Variants in RIGI observed in about 807,000 individuals in gnomAD.
The protein encoded by RIGI is antiviral innate immune response receptor RIG-I.
At chr9:32,487,424 G>A in the RIGI span, 1 of 1,583,666 alleles carries the variant, frequency 6.3e-7, no homozygotes, top group Admixed American at 1.7e-5. Context: ...ACTAGAGGTA[G>A]TAGAGAGTAA....
At chr9:32,493,782 CTGAT>C in the RIGI span, 1 of 1,579,494 alleles carries the variant, frequency 6.3e-7, no homozygotes, top group Non-Finnish European at 8.6e-7. Context: ...CTTCACATTC[CTGAT>C]TAATTAAACA....
the RIGI span, chr9:32,457,491 A>G: frequency 7.9e-7 from 1 of 1,258,058 alleles, no homozygotes; most frequent in Non-Finnish European, 1.1e-6. Flanking sequence ...TTTAAAAAAA[A>G]AAAAAAGAAA....
the RIGI span, chr9:32,457,422 C>T: frequency 3.1e-6 from 5 of 1,608,202 alleles, no homozygotes; most frequent in Non-Finnish European, 4.2e-6. Context: ...GGCATTCCTA[C>T]AGATGAAGGG....
At chr9:32,504,998 T>A in the RIGI span, among the ~76,000 whole-genome samples, 1 of 123,398 alleles carries the variant, frequency 8.1e-6, no homozygotes, top group South Asian at 2.3e-4. Context: ...ATTTTATATA[T>A]AATATATATG....
the RIGI span, chr9:32,487,554 C>A: frequency 3.1e-6 from 5 of 1,614,064 alleles, no homozygotes; most frequent in Admixed American, 8.3e-5. Context: ...AAGAGAAGCA[C>A]ACAGCTTGCA....
At chr9:32,508,455 G>A in the RIGI span, among the ~76,000 whole-genome samples, 3 of 151,836 alleles carry the variant, frequency 2.0e-5, no homozygotes, top group East Asian at 5.8e-4. Flanking sequence ...ACAGCGAGCT[G>A]AAGCAGGGTA....
the RIGI span, among the ~76,000 whole-genome samples, chr9:32,509,220 C>G: frequency 6.6e-6 from 1 of 152,206 alleles, no homozygotes; most frequent in Admixed American, 6.5e-5. Context: ...AAGAGAGCAA[C>G]AGATCTCCCA....
the RIGI span, among the ~76,000 whole-genome samples, chr9:32,520,899 A>C: frequency 6.6e-6 from 1 of 151,038 alleles, no homozygotes; most frequent in Non-Finnish European, 1.5e-5. Flanking sequence ...TAATCCCAGC[A>C]CTTTGGGAGG....
chr9:32,481,201 G>A, the RIGI span: 1 of 773,312 alleles, frequency 1.3e-6, no homozygotes, highest in East Asian at 2.7e-5. Context: ...TTTGGAGTTT[G>A]CTTCATAAGA....
chr9:32,526,071 C>G, the RIGI span: 3 of 1,613,572 alleles, frequency 1.9e-6, no homozygotes, highest in Non-Finnish European at 1.7e-6. Flanking sequence ...CCTCCCTAAA[C>G]CAGGGGGCCA....
chr9:32,505,373 G>T, the RIGI span, among the ~76,000 whole-genome samples: 1 of 151,706 alleles, frequency 6.6e-6, no homozygotes, highest in Non-Finnish European at 1.5e-5. Flanking sequence ...AGTTCTTCAG[G>T]GTGCTTTTTC....
At chr9:32,509,146 T>TG in the RIGI span, among the ~76,000 whole-genome samples, 1 of 152,126 alleles carries the variant, frequency 6.6e-6, no homozygotes, top group Admixed American at 6.5e-5. Context: ...AGAGGGCACC[T>TG]GGGGAAAAGG....
chr9:32,499,325 T>TTTTTG, the RIGI span, among the ~76,000 whole-genome samples: 7 of 149,706 alleles, frequency 4.7e-5, no homozygotes, highest in African/African-American at 1.7e-4. Context: ...TGTTTTTTTT[T>TTTTTG]TTTTTTTTTT....
At chr9:32,474,200 C>T in the RIGI span, among the ~76,000 whole-genome samples, 10 of 44,716 alleles carry the variant, frequency 2.2e-4, no homozygotes, top group South Asian at 1.5e-3. Context: ...GAGACCCTGT[C>T]TCAAAAAAAA....
chr9:32,457,357 G>C, the RIGI span: 1 of 1,614,030 alleles, frequency 6.2e-7, no homozygotes, highest in African/African-American at 1.3e-5. Context: ...CTTTGGCTTG[G>C]GATGTGGTCT....
chr9:32,492,295 GCTAT>G, the RIGI span: 1 of 1,343,004 alleles, frequency 7.4e-7, no homozygotes, highest in Admixed American at 2.1e-5. Flanking sequence ...TGTAGCTCTG[GCTAT>G]CTGAGGGGAA....
At chr9:32,463,842 C>T in the RIGI span, among the ~76,000 whole-genome samples, 1 of 104,742 alleles carries the variant, frequency 9.5e-6, no homozygotes. Flanking sequence ...CATCTTTATT[C>T]TCTGCTCCAT....
At chr9:32,475,199 G>A in the RIGI span, among the ~76,000 whole-genome samples, 748 of 152,138 alleles carry the variant, frequency 4.9e-3, 6 homozygotes, top group African/African-American at 0.017. Context: ...TGATCCGCCC[G>A]CCTCAGCCTC....
At chr9:32,456,910 A>G in the RIGI span, 1 of 511,790 alleles carries the variant, frequency 2.0e-6, no homozygotes, top group Admixed American at 3.5e-5. Context: ...ATTTTTCCCA[A>G]GTACTATGAG....
Sources: allele counts gnomAD v4.1 joint callset (sites outside exome capture counted in the v4.1 genomes callset), GRCh38; gene constraint gnomAD v4.1.1; transcripts MANE v1.5; gene names NCBI Gene and HGNC (gene_info 2026-07-23, HGNC 2026-07-21).